Variants in ERG observed in about 807,000 individuals in gnomAD.
ERG encodes the protein transcriptional regulator ERG.
Under a neutral mutation model 55.3 loss-of-function variants are expected in ERG, and 9 were observed. The observed-to-expected ratio is 0.16, with a 90% confidence interval of 0.10 to 0.28. ERG has a LOEUF of 0.28. ERG is among the 10% of genes least tolerant of loss of function. ERG has a pLI of 1.00. For synonymous variants in ERG, 223 were observed against 237.3 expected (o/e 0.94, Z 0.55); for missense variants, 434 against 631.6 (o/e 0.69, Z 3.35).
chr21:38,387,429 G>A (rs1184980063), intron 9 of ERG, among the ~76,000 whole-genome samples: 1 of 152,188 alleles, frequency 6.6e-6, no homozygotes, highest in Non-Finnish European at 1.5e-5. Context: ...ATGGTGGTAG[G>A]GAGCACCAAC....
intron 1 of ERG, among the ~76,000 whole-genome samples, chr21:38,633,109 G>T (rs1405016234): frequency 2.6e-5 from 4 of 152,066 alleles, no homozygotes; most frequent in Non-Finnish European, 5.9e-5. Flanking sequence ...ATTAAGCTAA[G>T]AAATAAGCCA....
At chr21:38,477,285 TGA>T (rs1275570414) in intron 1 of ERG, among the ~76,000 whole-genome samples, 5 of 152,226 alleles carry the variant, frequency 3.3e-5, no homozygotes, top group Non-Finnish European at 2.9e-5. Context: ...ATGACAGGCG[TGA>T]GTCACTGCGC....
chr21:38,379,885 G>A, downstream of ERG: 1 of 287,342 alleles, frequency 3.5e-6, no homozygotes, highest in Non-Finnish European at 5.2e-6. Context: ...TTTTTGTAGA[G>A]ACTGGGTACT....
rs749392709 is a variant in ERG at position 38,383,401 on chromosome 21, C to T, written c.*2G>A. 126 of 1,494,704 alleles carry T rather than the reference C, an allele frequency of 8.4e-5. No individual in the cohort carries two copies. Among genetic ancestry groups the T allele is most frequent in the Non-Finnish European group, 1.1e-4 (124 of 1,120,886 alleles). The allele number at this position is 1,494,704 out of a possible 1,614,324, so 92.6% of individuals were successfully genotyped here. A position where few individuals can be genotyped will look rare whatever the true frequency, so the allele number is the denominator to read the frequency against. On this transcript the variant is annotated 3_prime_UTR_variant, in exon 10 of 10. Transcript: ENST00000288319. This position sits in a 1 kb window ranked among gnomAD's most constrained non-coding sequence, Gnocchi z 5.7. ...CTGATGGGAAAAGCCTCCGCCAGGT[C>T]TTTAGTAGTAAGTGCCCAGATGAGA...
chr21:38,504,122 CTT>C (rs1211263244), intron 2 of ERG, among the ~76,000 whole-genome samples: 1 of 152,152 alleles, frequency 6.6e-6, no homozygotes, highest in African/African-American at 2.4e-5. Flanking sequence ...TGTTTCAACA[CTT>C]TCTCTAAGTG....
At chr21:38,406,426 C>A (rs1988776887) in intron 3 of ERG, among the ~76,000 whole-genome samples, 1 of 152,080 alleles carries the variant, frequency 6.6e-6, no homozygotes. Flanking sequence ...TAAAATGTTT[C>A]TTTTTTCATG....
At chr21:38,493,361 C>T (rs1287318592) in intron 1 of ERG, among the ~76,000 whole-genome samples, 1 of 152,054 alleles carries the variant, frequency 6.6e-6, no homozygotes, top group African/African-American at 2.4e-5. Flanking sequence ...TAAAACAATG[C>T]TAACTGAGAA....
chr21:38,600,218 G>A (rs568572837), intron 1 of ERG, among the ~76,000 whole-genome samples: 26 of 152,320 alleles, frequency 1.7e-4, no homozygotes, highest in South Asian at 6.2e-4. Context: ...TGGGGCTGGC[G>A]AAGGTATTAA....
At chr21:38,567,881 C>T (rs1169453270) in intron 2 of ERG, among the ~76,000 whole-genome samples, 1 of 152,212 alleles carries the variant, frequency 6.6e-6, no homozygotes, top group African/African-American at 2.4e-5. Flanking sequence ...GGCTCTCAGG[C>T]TTCACAGTGA....
At chr21:38,477,598 T>C (rs890152542) in intron 1 of ERG, among the ~76,000 whole-genome samples, 22 of 152,110 alleles carry the variant, frequency 1.4e-4, no homozygotes, top group African/African-American at 4.3e-4. Flanking sequence ...TGAAGAGAAA[T>C]AGCTGAGGTC....
chr21:38,560,448 G>A (rs371811103), intron 2 of ERG, among the ~76,000 whole-genome samples: 5 of 152,026 alleles, frequency 3.3e-5, no homozygotes, highest in African/African-American at 9.7e-5. Context: ...TGCCCAACCC[G>A]GGGCCCCTCC....
At chr21:38,559,913 C>T (rs1416016004) in intron 2 of ERG, among the ~76,000 whole-genome samples, 1 of 152,178 alleles carries the variant, frequency 6.6e-6, no homozygotes, top group Non-Finnish European at 1.5e-5. Context: ...GAACTCCTGA[C>T]CTCAGGTGAT....
At chr21:38,422,506 T>C (rs1416573229) in intron 3 of ERG, among the ~76,000 whole-genome samples, 3 of 152,224 alleles carry the variant, frequency 2.0e-5, no homozygotes, top group Admixed American at 6.5e-5. Context: ...TTTGCAAAGA[T>C]TGCTTGAGAT....
At chr21:38,525,801 C>G (rs1214429384) in intron 2 of ERG, among the ~76,000 whole-genome samples, 1 of 152,208 alleles carries the variant, frequency 6.6e-6, no homozygotes, top group African/African-American at 2.4e-5. Flanking sequence ...TTTGCCAGTC[C>G]TTCTACCAAC....
At chr21:38,586,015 G>A (rs2060061812), upstream of ERG, among the ~76,000 whole-genome samples, 1 of 151,986 alleles carries the variant, frequency 6.6e-6, no homozygotes, top group Non-Finnish European at 1.5e-5. Context: ...AGGATGACCT[G>A]AGAAAAGTTA....
intron 2 of ERG, among the ~76,000 whole-genome samples, chr21:38,547,369 G>A (rs2059794273): frequency 6.6e-6 from 1 of 152,162 alleles, no homozygotes; most frequent in Non-Finnish European, 1.5e-5. Context: ...CAACCAATGC[G>A]TGTTTGACCA....
chr21:38,565,619 C>T (rs371351594), intron 2 of ERG, among the ~76,000 whole-genome samples: 10 of 152,284 alleles, frequency 6.6e-5, no homozygotes, highest in African/African-American at 1.7e-4. Flanking sequence ...TACTCTTCCC[C>T]GTGTGATCAT....
chr21:38,618,513 G>A (rs2060271895), intron 1 of ERG, among the ~76,000 whole-genome samples: 1 of 152,182 alleles, frequency 6.6e-6, no homozygotes, highest in Non-Finnish European at 1.5e-5. Flanking sequence ...AGGTCCCTAA[G>A]TGGACAAGAG....
chr21:38,533,921 G>A (rs1256585082), intron 2 of ERG, among the ~76,000 whole-genome samples: 2 of 152,136 alleles, frequency 1.3e-5, no homozygotes, highest in Non-Finnish European at 2.9e-5. Context: ...ATCATGGGGA[G>A]TTACGATGTA....
Sources: gnomAD v4.1 joint callset for allele counts (sites outside exome capture counted in the v4.1 genomes callset) on GRCh38, gnomAD v4.1.1 for gene constraint, Gnocchi (gnomAD v3.1) non-coding constraint, MANE v1.5 for transcripts, NCBI Gene and HGNC (gene_info 2026-07-23, HGNC 2026-07-21) for gene names.